The following TSHZ2 variants were observed in gnomAD, a reference collection of about 807,000 sequenced individuals.
TSHZ2 encodes the protein teashirt zinc finger homeobox 2, also known as teashirt homolog 2.
A neutral mutation model predicts 74.4 loss-of-function variants in TSHZ2; 21 were observed. That is an observed-to-expected ratio of 0.28 (90% CI 0.20 to 0.41). The LOEUF (loss-of-function observed/expected upper bound fraction) is 0.41, where lower values mean the gene tolerates loss of function less well. Ranked by LOEUF, TSHZ2 falls within the 10% of genes least tolerant of loss-of-function variation. The pLI is 1.00. For missense variants in TSHZ2, 1,244 were observed against 1,293.5 expected, an observed-to-expected ratio of 0.96 and a Z score of 0.59; for synonymous variants, 540 against 515.3, an observed-to-expected ratio of 1.05 and a Z score of -0.65.
intron 1 of TSHZ2, among the ~76,000 whole-genome samples, chr20:53,186,180 G>A (rs1988594707): frequency 6.6e-6 from 1 of 152,174 alleles, no homozygotes; most frequent in Non-Finnish European, 1.5e-5. Context: ...TGCTATTTGT[G>A]TGCATCTCTC....
chr20:53,333,902 A>T (rs1273719402), intron 2 of TSHZ2, among the ~76,000 whole-genome samples: 1 of 152,250 alleles, frequency 6.6e-6, no homozygotes, highest in African/African-American at 2.4e-5. Flanking sequence ...CTCAAGGGCC[A>T]GATCACTGGG....
chr20:53,416,535 C>T (rs1983260379), intron 2 of TSHZ2, among the ~76,000 whole-genome samples: 1 of 152,180 alleles, frequency 6.6e-6, no homozygotes, highest in African/African-American at 2.4e-5. Flanking sequence ...CTACCCAGCA[C>T]CTGCTATAAA....
At chr20:53,323,769 G>C (rs1190189214) in intron 2 of TSHZ2, among the ~76,000 whole-genome samples, 1 of 151,740 alleles carries the variant, frequency 6.6e-6, no homozygotes, top group African/African-American at 2.4e-5. Flanking sequence ...GTAGAGACAG[G>C]TTTTCACCAT....
rs1321146869 is a variant in TSHZ2 at position 53,254,787 on chromosome 20, C to G, written c.1329C>G (p.Pro443=). 5.6e-6 allele frequency: 9 copies of G among 1,613,138 alleles called. No homozygotes were observed. Among genetic ancestry groups the G allele is most frequent in the Non-Finnish European group, 7.6e-6 (9 of 1,179,496 alleles). Residue 443 remains proline (P), a synonymous_variant, in exon 2 of 3, where the codon CCC becomes CCG. Transcript: ENST00000371497. ...CCCCAAACAGTGATTCTCTGGCTCC[C>G]AAGCCATCCAGTAACTCAGCATCAG... is the stretch of plus-strand genomic sequence containing the variant. ...SEAPNSDSLA[P]KPSSNSASDC...
chr20:53,438,109 T>G (rs1984161494), intron 2 of TSHZ2, among the ~76,000 whole-genome samples: 1 of 144,238 alleles, frequency 6.9e-6, no homozygotes, highest in Non-Finnish European at 1.5e-5. Flanking sequence ...TTTCTTTTTT[T>G]TTTTTCTTTT....
intron 2 of TSHZ2, among the ~76,000 whole-genome samples, chr20:53,472,692 T>A (rs905860242): frequency 1.3e-5 from 2 of 151,724 alleles, no homozygotes; most frequent in Non-Finnish European, 2.9e-5. Flanking sequence ...AGTCTACAGC[T>A]CCCAGCCTGA....
At chr20:53,303,623 G>T (rs1341383559) in intron 2 of TSHZ2, among the ~76,000 whole-genome samples, 1 of 152,144 alleles carries the variant, frequency 6.6e-6, no homozygotes, top group Non-Finnish European at 1.5e-5. Flanking sequence ...CCCAGAAATT[G>T]TATTTTTCTT....
At position 53,082,117 on chromosome 20, in the gene TSHZ2, A is replaced by G. The variant is rs192679629; in HGVS notation, c.40+108784A>G. On this transcript the variant is annotated intron_variant, in intron 1 of 2. Coordinates refer to ENST00000371497, the MANE Select transcript of TSHZ2 (RefSeq NM_173485.6). ...ATAGCTTCAAAGCACATTGAACTGG[A>G]CAGTTGTTGCAAACCAGCTTCAACA... Among the ~76,000 whole-genome samples, 951 of 152,298 alleles carry G rather than the reference A, an allele frequency of 6.2e-3. 7 individuals are homozygous for G. Among genetic ancestry groups the G allele is most frequent in the Non-Finnish European group, 0.01 (714 of 68,028 alleles).
intron 2 of TSHZ2, among the ~76,000 whole-genome samples, chr20:53,326,897 G>A (rs868312944): frequency 5.9e-5 from 9 of 152,150 alleles, no homozygotes; most frequent in South Asian, 2.1e-4. Flanking sequence ...TATGATGATC[G>A]GATTCTCCGA....
rs138039337 is a variant in TSHZ2, at chr20:53,062,032, G to T, written c.40+88699G>T. Among the ~76,000 whole-genome samples the T allele has an allele frequency of 4.3e-3, 655 of 152,276 alleles. 5 individuals carry two copies. Among genetic ancestry groups the T allele is most frequent in the African/African-American group, 0.015 (612 of 41,542 alleles). On this transcript the variant is annotated intron_variant, in intron 1 of 2. Coordinates refer to ENST00000371497, the MANE Select transcript of TSHZ2 (RefSeq NM_173485.6). ...ATTAGCAAGGCTTTCTTTAAAAAAAGTAGGCCATATATCTTCCAAGAAATC... is the reference window on the plus strand; with the variant it reads ...ATTAGCAAGGCTTTCTTTAAAAAAATTAGGCCATATATCTTCCAAGAAATC...
At position 53,009,142 on chromosome 20, in the gene TSHZ2, A is replaced by T. The variant is rs184031534; in HGVS notation, c.40+35809A>T. Among the ~76,000 whole-genome samples, 231 of 151,998 alleles carry T rather than the reference A, an allele frequency of 1.5e-3. 1 individual carries two copies. The highest frequency in any genetic ancestry group is 5.3e-3 in the African/African-American group (219 of 41,436). ...CCAGGAGTTCAAGACTAGCCTGAAA[A>T]AATAGTGAGACCAATCGCTACAAAA... On this transcript the variant is annotated intron_variant, in intron 1 of 2. Transcript: ENST00000371497.
chr20:53,175,943 A>G (rs895643838), intron 1 of TSHZ2, among the ~76,000 whole-genome samples: 2 of 152,242 alleles, frequency 1.3e-5, no homozygotes, highest in Non-Finnish European at 2.9e-5. Flanking sequence ...TTGCTAGCAA[A>G]GGAGACCCAG....
At chr20:53,455,618 T>C (rs1985035236) in intron 2 of TSHZ2, among the ~76,000 whole-genome samples, 2 of 152,148 alleles carry the variant, frequency 1.3e-5, no homozygotes, top group Admixed American at 1.3e-4. Flanking sequence ...ATTGTGCAGG[T>C]TAGTTACATA....
At chr20:53,195,555 C>T (rs1988843850) in intron 1 of TSHZ2, among the ~76,000 whole-genome samples, 1 of 152,164 alleles carries the variant, frequency 6.6e-6, no homozygotes, top group Non-Finnish European at 1.5e-5. Flanking sequence ...CACAAATGTG[C>T]CTGCGGTCTT....
Position 53,253,909 on chromosome 20 carries a change from G to A in TSHZ2, c.451G>A (p.Glu151Lys). 3 of 1,614,208 alleles carry A rather than the reference G, an allele frequency of 1.9e-6. No individual in the cohort carries two copies. Among genetic ancestry groups the A allele is most frequent in the Non-Finnish European group, 2.5e-6 (3 of 1,180,046 alleles). The change falls in exon 2 of 3, where the codon GAG (glutamate) becomes AAG (lysine). Residue 151 changes from glutamate to lysine, a missense_variant. Transcript: ENST00000371497. ...LGLGFKLSNSERRNCDTRNGS... is the reference protein window; with the variant it reads ...LGLGFKLSNSKRRNCDTRNGS... ...CCTTGGCTTCAAGCTGTCCAATAGT[G>A]AGAGGAGGAACTGTGACACCCGAAA...
chr20:53,056,484 G>T (rs1984644181), intron 1 of TSHZ2, among the ~76,000 whole-genome samples: 1 of 152,186 alleles, frequency 6.6e-6, no homozygotes, highest in Non-Finnish European at 1.5e-5. Context: ...GTCAAGTAAA[G>T]AAAGACTACA....
chr20:53,351,061 A>G (rs569050714), intron 2 of TSHZ2, among the ~76,000 whole-genome samples: 1 of 152,360 alleles, frequency 6.6e-6, no homozygotes, highest in Non-Finnish European at 1.5e-5. Flanking sequence ...TCTAAAATGA[A>G]AATGTAACAT....
chr20:53,129,031 C>T (rs1053959790), intron 1 of TSHZ2, among the ~76,000 whole-genome samples: 7 of 152,012 alleles, frequency 4.6e-5, no homozygotes, highest in Admixed American at 1.3e-4. Flanking sequence ...GCTGTGACCC[C>T]GTACTTACAT....
At chr20:53,085,161 G>A (rs1398925236) in intron 1 of TSHZ2, among the ~76,000 whole-genome samples, 2 of 152,004 alleles carry the variant, frequency 1.3e-5, no homozygotes, top group Admixed American at 6.6e-5. Flanking sequence ...TCCTGACTTC[G>A]AGACCAGCCA....
Sources: allele counts gnomAD v4.1 joint callset (sites outside exome capture counted in the v4.1 genomes callset), GRCh38; gene constraint gnomAD v4.1.1; transcripts MANE v1.5; gene names NCBI Gene and HGNC (gene_info 2026-07-23, HGNC 2026-07-21).